EYA1: variants seen among roughly 807,000 people sequenced by gnomAD.
The protein encoded by EYA1 is EYA transcriptional coactivator and phosphatase 1, also known as protein phosphatase EYA1.
EYA1 carries 16 observed loss-of-function variants against 82.0 expected under a neutral mutation model. The ratio of observed to expected loss-of-function variants is 0.20; its 90% CI spans 0.13 to 0.30. The LOEUF is 0.30. Ranked by LOEUF, EYA1 falls within the 10% of genes least tolerant of loss-of-function variation. EYA1 has a pLI of 1.00. For synonymous variants in EYA1, 261 were observed against 264.4 expected, an observed-to-expected ratio of 0.99 and a Z score of 0.12; for missense variants, 633 against 730.7, an observed-to-expected ratio of 0.87 and a Z score of 1.54.
At chr8:71,448,689 T>A (rs1807102069) in intron 2 of EYA1, 1 of 152,490 alleles carries the variant, frequency 6.6e-6, no homozygotes, top group African/African-American at 2.4e-5. Flanking sequence ...TATAGCCTTG[T>A]GAAAAATAGT....
Position 71,277,109 on chromosome 8 carries a change from T to G in EYA1, c.827-5212A>C, listed in dbSNP as rs566661927. Among the ~76,000 whole-genome samples, 191 of 140,444 alleles carry G rather than the reference T, an allele frequency of 1.4e-3. 1 individual carries two copies. The highest frequency in any genetic ancestry group is 4.5e-3 in the African/African-American group (170 of 37,636). 92.1% of individuals were successfully genotyped at this position (140,444 alleles called of 152,430 possible). On this transcript the variant is annotated intron_variant, in intron 9 of 17. Transcript: ENST00000340726. ...GAAAGTGCCATGCTATTTCATGGCT[T>G]CACACATTTTTTTTTTTTTTTTTTT...
At chr8:71,390,836 A>AT (rs1414252994) in intron 2 of EYA1, among the ~76,000 whole-genome samples, 1 of 151,712 alleles carries the variant, frequency 6.6e-6, no homozygotes, top group East Asian at 1.9e-4. Context: ...TTTTCTTACT[A>AT]TTTTTTAGAT....
chr8:71,286,138 T>G (rs1818337084), intron 9 of EYA1, among the ~76,000 whole-genome samples: 1 of 152,164 alleles, frequency 6.6e-6, no homozygotes. Context: ...TCCACAATAG[T>G]GGAGGTGTGC....
At chr8:71,363,986 T>A (rs1012101559), upstream of EYA1, among the ~76,000 whole-genome samples, 1 of 151,996 alleles carries the variant, frequency 6.6e-6, no homozygotes, top group Non-Finnish European at 1.5e-5. Flanking sequence ...GTAAAGTATG[T>A]CACATTTATA....
Position 71,305,432 on chromosome 8 carries a change from G to A in EYA1, c.557-5712C>T, listed in dbSNP as rs576078134. Among the ~76,000 whole-genome samples the A allele has an allele frequency of 2.7e-3, 379 of 141,544 alleles. 26 individuals are homozygous for A. Among genetic ancestry groups the A allele is most frequent in the African/African-American group, 9.1e-3 (365 of 40,144 alleles). The allele number at this position is 141,544 out of a possible 152,430, so 92.9% of individuals were successfully genotyped here. On this transcript the variant is annotated intron_variant, in intron 7 of 17. Coordinates refer to ENST00000340726, the MANE Select transcript of EYA1 (RefSeq NM_000503.6). ...GAGTGGGGATACCTTCTTACTCATT[G>A]GTTAAAAGGAAAAGCTTACCTAGTT...
intron 2 of EYA1, among the ~76,000 whole-genome samples, chr8:71,371,270 T>C (rs1828065352): frequency 6.6e-6 from 1 of 152,172 alleles, no homozygotes; most frequent in Non-Finnish European, 1.5e-5. Flanking sequence ...ACCATTTTGA[T>C]AACAGGCAGA....
chr8:71,322,159 C>G (rs1333927450), intron 5 of EYA1, 40 bp downstream of exon 5: 2 of 1,507,914 alleles, frequency 1.3e-6, no homozygotes, highest in Admixed American at 3.3e-5. Context: ...AAAGTCTACT[C>G]AGAGAAGTTA....
chr8:71,299,368 T>C, intron 8 of EYA1, 135 bp from the exon 9 acceptor site: 1 of 867,564 alleles, frequency 1.2e-6, no homozygotes. Context: ...AAGTACACAT[T>C]AACTAAAGAG....
intron 12 of EYA1, among the ~76,000 whole-genome samples, chr8:71,221,503 G>C (rs1809914466): frequency 6.6e-6 from 1 of 152,156 alleles, no homozygotes; most frequent in Non-Finnish European, 1.5e-5. Context: ...CTTTCCCAAA[G>C]GGATGAAAAA....
chr8:71,391,046 T>C (rs1041660934), intron 2 of EYA1, among the ~76,000 whole-genome samples: 11 of 152,332 alleles, frequency 7.2e-5, no homozygotes, highest in Middle Eastern at 3.4e-3. Context: ...CGATCTCGGC[T>C]CACTGCAACC....
At chr8:71,517,005 A>G (rs1216193973) in intron 2 of EYA1, among the ~76,000 whole-genome samples, 1 of 152,072 alleles carries the variant, frequency 6.6e-6, no homozygotes, top group Non-Finnish European at 1.5e-5. Context: ...AGAAACCTGG[A>G]ATTGTCCTGT....
chr8:71,311,371 T>C lies in EYA1; in HGVS notation c.556+6181A>G, dbSNP rs1411972723. Among the ~76,000 whole-genome samples, 6 of 152,228 alleles carry C rather than the reference T, an allele frequency of 3.9e-5. No individual in the cohort carries two copies. In the East Asian group the frequency reaches 9.6e-4, roughly 24 times the overall value. ...AGTTTTCTTACCTTTCATGCATGCG[T>C]GCACACACGCACAAACTCACACACA... On this transcript the variant is annotated intron_variant, in intron 7 of 17. Coordinates refer to ENST00000340726, the MANE Select transcript of EYA1 (RefSeq NM_000503.6).
At chr8:71,411,469 A>C (rs76680866) in intron 2 of EYA1, among the ~76,000 whole-genome samples, 1 of 55,344 alleles carries the variant, frequency 1.8e-5, no homozygotes, top group Non-Finnish European at 3.3e-5. Context: ...GAAAATTTTC[A>C]CAACCTACTC....
chr8:71,360,747 C>A (rs1172475202), intron 1 of EYA1, among the ~76,000 whole-genome samples: 1 of 152,216 alleles, frequency 6.6e-6, no homozygotes, highest in Non-Finnish European at 1.5e-5. Flanking sequence ...AATCCCAAAC[C>A]TATAAAACTA....
rs1820635332 is a variant in EYA1 at position 71,305,571 on chromosome 8, G to C, written c.557-5851C>G. ...TGAGGCAGGAGAATCACTTGAACTT[G>C]GGAGGCTGAAGTTTCAGTGAGCCGA... On this transcript the variant is annotated intron_variant, in intron 7 of 17. Transcript: ENST00000340726. Among the ~76,000 whole-genome samples the C allele has an allele frequency of 3.0e-5, 3 of 100,806 alleles. 1 individual carries two copies. The highest frequency in any genetic ancestry group is 8.8e-5 in the African/African-American group (3 of 34,282). The allele number at this position is 100,806 out of a possible 152,430, so 66.1% of individuals were successfully genotyped here.
Position 71,322,217 on chromosome 8 carries a change from G to A in EYA1, c.254C>T (p.Pro85Leu). The A allele has an allele frequency of 6.2e-7, 1 of 1,613,556 alleles. No homozygotes were observed. ...ATCTTACTTGGAAGGGTAAATCTGT[G>A]GTGGAGAGAACTGGTGAGTTGGTCG... ...SPRPTHQFSP[P>L]QIYPSNRPYP... Residue 85 changes from proline (P) to leucine (L), a missense_variant, in exon 5 of 18, where the codon CCA (proline) becomes CTA (leucine). Physicochemically the swap from Pro to Leu is moderately conservative, Grantham distance 98. Transcript: ENST00000340726.
intron 2 of EYA1, chr8:71,471,041 C>G (rs1248579942): frequency 2.5e-6 from 1 of 393,176 alleles, no homozygotes; most frequent in Non-Finnish European, 4.9e-6. Flanking sequence ...CATCTTGAGA[C>G]ATTAGTAGTT....
At chr8:71,379,160 G>T (rs560413639) in intron 2 of EYA1, among the ~76,000 whole-genome samples, 1 of 152,024 alleles carries the variant, frequency 6.6e-6, no homozygotes, top group African/African-American at 2.4e-5. Context: ...GCCACAAATG[G>T]ATCACTCGAG....
intron 1 of EYA1, among the ~76,000 whole-genome samples, chr8:71,361,346 A>G (rs1036435322): frequency 7.9e-5 from 12 of 152,244 alleles, no homozygotes; most frequent in African/African-American, 2.9e-4. Flanking sequence ...CTGCAAGAAT[A>G]TGGTCCTGCA....
Sources: allele counts gnomAD v4.1 joint callset (sites outside exome capture counted in the v4.1 genomes callset), GRCh38; gene constraint gnomAD v4.1.1; transcripts MANE v1.5; gene names NCBI Gene and HGNC (gene_info 2026-07-23, HGNC 2026-07-21).